LAMB1: variants seen among roughly 807,000 people sequenced by gnomAD.
LAMB1 encodes the protein laminin subunit beta-1.
Under a neutral mutation model 222.3 loss-of-function variants are expected in LAMB1, and 121 were observed. The ratio of observed to expected loss-of-function variants is 0.54; its 90% CI spans 0.47 to 0.63. The LOEUF (loss-of-function observed/expected upper bound fraction) is 0.63, where lower values mean the gene tolerates loss of function less well. Among genes scored for constraint, LAMB1 ranks in the 30% least tolerant of loss-of-function variants. The pLI is 0.00. For missense variants in LAMB1, 2,172 were observed against 2,240.8 expected (o/e 0.97, Z 0.62); for synonymous variants, 794 against 807.2 (o/e 0.98, Z 0.28).
intron 2 of LAMB1, chr7:108,001,962 T>C (rs1300707666): frequency 2.8e-6 from 4 of 1,447,398 alleles, no homozygotes; most frequent in Non-Finnish European, 3.6e-6. Flanking sequence ...TCATCAGGTC[T>C]GTCCAGCAGC....
At chr7:107,997,635 T>C (rs542937395) in intron 4 of LAMB1, among the ~76,000 whole-genome samples, 1 of 152,184 alleles carries the variant, frequency 6.6e-6, no homozygotes, top group Non-Finnish European at 1.5e-5. Context: ...ATTTTAAAGA[T>C]CTAACAGTAC....
At chr7:107,931,861 G>T in intron 28 of LAMB1, 1 of 497,612 alleles carries the variant, frequency 2.0e-6, no homozygotes. Flanking sequence ...TAGAGTTTTT[G>T]TCATACAGCT....
At chr7:107,997,854 C>A (rs990883800) in intron 4 of LAMB1, among the ~76,000 whole-genome samples, 6 of 152,046 alleles carry the variant, frequency 3.9e-5, no homozygotes, top group African/African-American at 1.2e-4. Flanking sequence ...GACTTGGGGT[C>A]ATATCCATGT....
At chr7:108,002,241 C>T in intron 2 of LAMB1, 1 of 1,318,356 alleles carries the variant, frequency 7.6e-7, no homozygotes, top group Non-Finnish European at 9.9e-7. Context: ...GCGCGAGGGT[C>T]ACCGGCGCTT....
chr7:107,967,973 A>T (rs747789207), intron 13 of LAMB1, among the ~76,000 whole-genome samples: 3 of 152,162 alleles, frequency 2.0e-5, no homozygotes, highest in Non-Finnish European at 4.4e-5. Context: ...CCTGGAGAGG[A>T]CTTGACAGGC....
At chr7:107,951,930 C>T in intron 23 of LAMB1, 79 bp downstream of exon 23, 2 of 1,244,540 alleles carry the variant, frequency 1.6e-6, no homozygotes, top group Non-Finnish European at 2.3e-6. Flanking sequence ...GCCCTGGTGC[C>T]TTGCTCTAAC....
chr7:107,961,717 C>A (rs1194759955), intron 15 of LAMB1, 41 bp from the exon 16 acceptor site: 1 of 1,591,694 alleles, frequency 6.3e-7, no homozygotes, highest in African/African-American at 1.3e-5. Context: ...GTTAGCCCAC[C>A]ACTGCCTGTT....
chr7:107,966,373 G>A (rs111566614), intron 13 of LAMB1, among the ~76,000 whole-genome samples: 4,618 of 151,902 alleles, frequency 0.03, 252 homozygotes, highest in African/African-American at 0.11. Context: ...ACCATGCCTG[G>A]CTAATTTTTG....
chr7:107,975,762 G>A lies in LAMB1; in HGVS notation c.1116C>T (p.Arg372=). 1 of 1,614,036 alleles carries A rather than the reference G, an allele frequency of 6.2e-7. No individual in the cohort carries two copies. The part of the protein sequence containing the change: ...CDDCQHNTMG[R]NCEQCKPFYY... ...AAAACGGCTTGCACTGCTCACAGTT[G>A]CGCCCCATGGTGTTGTGCTGACAGT... The change falls in exon 10 of 34, where the codon CGC becomes CGT. Residue 372 remains arginine (R), a synonymous_variant. Transcript: ENST00000222399.
Position 107,986,191 on chromosome 7 carries a change from G to A in LAMB1, c.596C>T (p.Pro199Leu). 1 of 1,613,972 alleles carries A rather than the reference G, an allele frequency of 6.2e-7. No homozygotes were observed. Among genetic ancestry groups the A allele is most frequent in the Non-Finnish European group, 8.5e-7 (1 of 1,179,892 alleles). ...CAAACAAACCTCTCCTTCAGTTGAG[G>A]GTTCAATGTCAGAATATCGAGAATC... ...ICDSRYSDIEPSTEGEVIFRA... is the reference protein window; with the variant it reads ...ICDSRYSDIELSTEGEVIFRA... Residue 199 changes from proline (P) to leucine (L), a missense_variant, in exon 6 of 34, where the codon CCC becomes CTC. Transcript: ENST00000222399.
intron 7 of LAMB1, among the ~76,000 whole-genome samples, chr7:107,981,508 G>C (rs1211163614): frequency 1.3e-5 from 2 of 152,162 alleles, no homozygotes; most frequent in Non-Finnish European, 2.9e-5. Context: ...AGTTACTCTG[G>C]AGGTTGAGGC....
At chr7:107,983,042 A>T (rs1319646270) in intron 7 of LAMB1, among the ~76,000 whole-genome samples, 1 of 152,206 alleles carries the variant, frequency 6.6e-6, no homozygotes, top group South Asian at 2.1e-4. Context: ...GACGTTTTTC[A>T]TAACTGCATT....
chr7:107,939,929 G>A, intron 25 of LAMB1, 60 bp downstream of exon 25: 2 of 1,553,438 alleles, frequency 1.3e-6, no homozygotes, highest in Middle Eastern at 1.7e-4. Flanking sequence ...AATCTTTGCT[G>A]TTAACTCACA....
Position 107,929,119 on chromosome 7 carries a change from T to C in LAMB1, c.4832A>G (p.Lys1611Arg), listed in dbSNP as rs1310405944. Reference sequence around the variant, plus strand: ...GTCTTCATCTGCTTGTTTAATTGCCTTCTCTGCTGCGACCTGGGCCTTTTC... The same window carrying C: ...GTCTTCATCTGCTTGTTTAATTGCCCTCTCTGCTGCGACCTGGGCCTTTTC... ...EAEKAQVAAEKAIKQADEDIQ... is the reference protein window; with the variant it reads ...EAEKAQVAAERAIKQADEDIQ... The change falls in exon 31 of 34, where the codon AAG becomes AGG. Residue 1611 changes from lysine (K) to arginine (R), a missense_variant. Lys to Arg is a conservative substitution (Grantham distance 26, BLOSUM62 2). Transcript: ENST00000222399. The C allele has an allele frequency of 3.7e-6, 6 of 1,613,976 alleles. No individual in the cohort carries two copies. The highest frequency in any genetic ancestry group is 5.1e-6 in the Non-Finnish European group (6 of 1,180,002).
intron 27 of LAMB1, chr7:107,932,765 C>G (rs1317952): frequency 4.1e-6 from 1 of 243,998 alleles, no homozygotes. Context: ...ATCTTTGGGA[C>G]CAGCACCAGC....
At chr7:107,942,823 C>T (rs1005961838) in intron 24 of LAMB1, 1 of 152,076 alleles carries the variant, frequency 6.6e-6, no homozygotes, top group Non-Finnish European at 1.5e-5. Context: ...AGGGGAAAAA[C>T]GTGTTCCGGT....
chr7:107,926,043 G>T lies in LAMB1; in HGVS notation c.5064+140C>A, dbSNP rs10232049. 0.63 allele frequency: 386,584 copies of T among 614,938 alleles called. 124,308 individuals carry two copies. The highest frequency in any genetic ancestry group is 0.87 in the East Asian group (33,053 of 38,076). 38.1% of individuals were successfully genotyped at this position (614,938 alleles called of 1,614,324 possible). On this transcript the variant is annotated intron_variant, in intron 32 of 33. Transcript: ENST00000222399. ...CTTTCCCATCCACACTTCTAAAGACGGCTGTTGCAAAACAGGTCATTTGAT... is the reference window on the plus strand; with the variant it reads ...CTTTCCCATCCACACTTCTAAAGACTGCTGTTGCAAAACAGGTCATTTGAT...
intron 15 of LAMB1, among the ~76,000 whole-genome samples, chr7:107,962,252 A>G (rs934530701): frequency 6.6e-6 from 1 of 152,002 alleles, no homozygotes; most frequent in African/African-American, 2.4e-5. Flanking sequence ...CTGCTGTTAC[A>G]CCGTCACCTT....
intron 32 of LAMB1, 112 bp downstream of exon 32, chr7:107,926,071 T>C (rs1584479906): frequency 2.6e-6 from 2 of 765,226 alleles, no homozygotes; most frequent in Non-Finnish European, 4.3e-6. Flanking sequence ...CATTTGATAT[T>C]TCTGATGAAT....
Sources: allele counts gnomAD v4.1 joint callset (sites outside exome capture counted in the v4.1 genomes callset), GRCh38; gene constraint gnomAD v4.1.1; transcripts MANE v1.5; gene names NCBI Gene and HGNC (gene_info 2026-07-23, HGNC 2026-07-21).